Variants in NCOR1 observed in about 807,000 individuals in gnomAD.
The protein encoded by NCOR1 is protein phosphatase 1, regulatory subunit 109.
In NCOR1, 63 loss-of-function variants were observed where a neutral mutation model predicts 288.1. The observed-to-expected ratio is 0.22, with a 90% CI of 0.18 to 0.27. NCOR1 has a LOEUF of 0.27. Ranked by LOEUF, NCOR1 falls within the 10% of genes least tolerant of loss-of-function variation. The probability of loss-of-function intolerance (pLI) is 1.00; values close to 1 mark genes in which losing one functional copy is unlikely to be tolerated. For synonymous variants in NCOR1, 1,007 were observed against 1,065.9 expected (o/e 0.94, Z 1.08); for missense variants, 2,397 against 3,019.2 (o/e 0.79, Z 4.83).
intron 40 of NCOR1, among the ~76,000 whole-genome samples, chr17:16,049,585 ATT>A (rs753232197): frequency 4.9e-5 from 7 of 142,048 alleles, no homozygotes; most frequent in Non-Finnish European, 4.6e-5. Flanking sequence ...CCCATTTATC[ATT>A]TTTTTTTTTT....
chr17:16,077,392 A>G (rs2062625783), intron 26 of NCOR1, among the ~76,000 whole-genome samples: 1 of 148,798 alleles, frequency 6.7e-6, no homozygotes, highest in Non-Finnish European at 1.5e-5. Context: ...CAACAGAGCA[A>G]GACTCTGTCA....
chr17:16,099,904 A>G (rs1232127242), intron 20 of NCOR1, among the ~76,000 whole-genome samples: 3 of 152,216 alleles, frequency 2.0e-5, no homozygotes, highest in Non-Finnish European at 4.4e-5. Context: ...AGGAATCAGC[A>G]CTATAATGCT....
chr17:16,092,006 G>A lies in NCOR1; in HGVS notation c.2873C>T (p.Ala958Val), dbSNP rs772234566. 1 of 1,614,188 alleles carries A rather than the reference G, an allele frequency of 6.2e-7. No homozygotes were observed. Among genetic ancestry groups the A allele is most frequent in the South Asian group, 1.1e-5 (1 of 91,084 alleles). Residue 958 changes from alanine (A) to valine (V), a missense_variant, in exon 22 of 46, where the codon GCT becomes GTT. Ala to Val is a moderately conservative substitution (Grantham distance 64). This residue lies in a region of NCOR1 where 1,872 missense variants were observed against 2,187.8 expected (regional missense o/e 0.86). Coordinates refer to ENST00000268712, the MANE Select transcript of NCOR1 (RefSeq NM_006311.4). ...IPIGTPVSGY[A>V]LYQRHIKAMH... ...TGCTTTAATGTGTCGCTGGTAGAGA[G>A]CATAGCCGCTCACTGGGGTTCCAAT...
At chr17:16,189,045 T>C (rs2153536453) in intron 2 of NCOR1, among the ~76,000 whole-genome samples, 1 of 150,864 alleles carries the variant, frequency 6.6e-6, no homozygotes, top group South Asian at 2.1e-4. Context: ...AAAAAAATAG[T>C]CAGTCCTCAT....
At chr17:16,101,806 C>A (rs1263283383) in intron 19 of NCOR1, 49 bp from the exon 20 acceptor site, 1 of 1,604,224 alleles carries the variant, frequency 6.2e-7, no homozygotes, top group Non-Finnish European at 8.5e-7. Flanking sequence ...TTTTCTGCAC[C>A]TTAAAGATAA....
chr17:16,108,029 C>A (rs1181333873), intron 19 of NCOR1, among the ~76,000 whole-genome samples: 1 of 151,724 alleles, frequency 6.6e-6, no homozygotes, highest in Non-Finnish European at 1.5e-5. Context: ...TCTAATTACA[C>A]AAACTTTAAA....
intron 11 of NCOR1, 27 bp downstream of exon 11, chr17:16,143,579 T>G (rs769262167): frequency 1.0e-5 from 16 of 1,556,118 alleles, no homozygotes; most frequent in Non-Finnish European, 1.2e-5. Context: ...ATTAACGAAT[T>G]AACTTGAATT....
Position 16,172,220 on chromosome 17 carries a change from G to A in NCOR1, c.243-225C>T, listed in dbSNP as rs1259881430. ...AAAAGGTTTGAATTAGCTGGGCGTG[G>A]CAGTGGGCGCCTGTAATCCCAGCTA... On this transcript the variant is annotated intron_variant, in intron 3 of 45. Transcript: ENST00000268712. 2.6e-5 allele frequency among the ~76,000 whole-genome samples: 4 copies of A among 152,136 alleles called. 1 individual carries two copies. Among genetic ancestry groups the A allele is most frequent in the African/African-American group, 9.7e-5 (4 of 41,438 alleles).
Position 16,194,486 on chromosome 17 carries a change from T to C in NCOR1, c.84A>G (p.Thr28=), listed in dbSNP as rs755914476. The C allele has an allele frequency of 1.2e-6, 2 of 1,609,346 alleles. No homozygotes were observed. Among genetic ancestry groups the C allele is most frequent in the Non-Finnish European group, 1.7e-6 (2 of 1,177,242 alleles). ...SRYPPHSVQY[T]FPNTRHQQEF... is the part of the protein sequence containing the mutation. The stretch of plus-strand genomic sequence containing the variant: ...CCTGCTGGTGGCGGGTGTTGGGAAA[T>C]GTATACTGGACAGAGTGAGGAGGAT... The change falls in exon 2 of 46, where the codon ACA becomes ACG. Residue 28 remains threonine (T), a synonymous_variant. Coordinates refer to ENST00000268712, the MANE Select transcript of NCOR1 (RefSeq NM_006311.4).
In NCOR1 at chr17:16,046,981, T is replaced by A; in HGVS notation, c.6649A>T (p.Asn2217Tyr). 6.2e-7 allele frequency: 1 copy of A among 1,614,108 alleles called. No individual in the cohort carries two copies. Among genetic ancestry groups the A allele is most frequent in the Non-Finnish European group, 8.5e-7 (1 of 1,179,970 alleles). Residue 2217 changes from asparagine to tyrosine, a missense_variant, in exon 42 of 46, where the codon AAC becomes TAC. By Grantham distance (143) the Asn-to-Tyr change is moderately radical. Transcript: ENST00000268712. The stretch of plus-strand genomic sequence containing the variant: ...TCAGAGTCACCTCCACCAGAGGAGT[T>A]CAACTTACGAAAAATCTCCTGCTTC... ...SKKQEIFRKL[N>Y]SSGGGDSDMA...
intron 18 of NCOR1, among the ~76,000 whole-genome samples, chr17:16,115,408 T>A (rs1047409345): frequency 6.6e-6 from 1 of 152,210 alleles, no homozygotes; most frequent in South Asian, 2.1e-4. Flanking sequence ...CAGGCTTGAA[T>A]TCCTCTTCAG....
At position 16,058,516 on chromosome 17, in the gene NCOR1, G is replaced by T. The variant is rs61754985; in HGVS notation, c.5965C>A (p.Leu1989Met). 5.6e-6 allele frequency: 9 copies of T among 1,614,012 alleles called. No homozygotes were observed. The highest frequency in any genetic ancestry group is 7.6e-6 in the Non-Finnish European group (9 of 1,180,014). ...ASSPAPPQEK[L>M]QTYQPEVVKA... ...ACAACCTCTGGCTGATAGGTCTGCA[G>T]TTTCTCCTGGGGTGGCGCAGGTGAG... Residue 1989 changes from leucine (L) to methionine (M), a missense_variant, in exon 38 of 46, where the codon CTG becomes ATG. Leu to Met is a conservative substitution (Grantham distance 15). Transcript: ENST00000268712.
chr17:16,037,501 C>T (rs570483864), intron 44 of NCOR1, among the ~76,000 whole-genome samples: 3 of 152,198 alleles, frequency 2.0e-5, no homozygotes, highest in Admixed American at 6.5e-5. Context: ...AAACAAGGTT[C>T]GTCCTCCTGC....
intron 10 of NCOR1, among the ~76,000 whole-genome samples, chr17:16,145,375 G>C (rs935303898): frequency 1.3e-5 from 2 of 150,824 alleles, no homozygotes; most frequent in African/African-American, 5.0e-5. Flanking sequence ...CTGGGATGTG[G>C]GGAGTGCCTC....
At chr17:16,211,683 A>G (rs2092142170) in intron 1 of NCOR1, among the ~76,000 whole-genome samples, 1 of 150,194 alleles carries the variant, frequency 6.7e-6, no homozygotes, top group Non-Finnish European at 1.5e-5. Context: ...AAATGCAAAG[A>G]AAAAAAAAAT....
At chr17:16,095,509 C>A (rs111631027) in intron 21 of NCOR1, among the ~76,000 whole-genome samples, 1 of 131,592 alleles carries the variant, frequency 7.6e-6, no homozygotes. Context: ...GCCCCCTGCC[C>A]GGCCAGCCGC....
intron 17 of NCOR1, 101 bp from the exon 18 acceptor site, chr17:16,118,128 A>C: frequency 1.7e-6 from 2 of 1,202,676 alleles, no homozygotes. Context: ...ACAACCATTG[A>C]CACTAGAAGT....
intron 19 of NCOR1, among the ~76,000 whole-genome samples, chr17:16,103,283 T>C (rs1228287142): frequency 6.6e-6 from 1 of 152,204 alleles, no homozygotes. Context: ...GGCTCACTGA[T>C]TTTCTCTCTA....
intron 23 of NCOR1, among the ~76,000 whole-genome samples, chr17:16,081,382 T>TA (rs67148328): frequency 1.9e-4 from 27 of 139,510 alleles, no homozygotes; most frequent in African/African-American, 6.9e-4. Context: ...AATATTTATT[T>TA]AAAAAAAAAA....
Sources: allele counts gnomAD v4.1 joint callset (sites outside exome capture counted in the v4.1 genomes callset), GRCh38; gene constraint gnomAD v4.1.1; regional missense constraint gnomAD v4.1.1; transcripts MANE v1.5; gene names NCBI Gene and HGNC (gene_info 2026-07-23, HGNC 2026-07-21).